Variants in FOXP1 observed in about 807,000 individuals in gnomAD.
The protein encoded by FOXP1 is forkhead box P1.
Under a neutral mutation model 98.2 loss-of-function variants are expected in FOXP1, and 15 were observed. That is an observed-to-expected ratio of 0.15 (90% confidence interval 0.10 to 0.24). The LOEUF (loss-of-function observed/expected upper bound fraction) is 0.24. FOXP1 is among the 10% of genes least tolerant of loss of function. FOXP1 has a pLI of 1.00. For synonymous variants in FOXP1, 371 were observed against 314.5 expected (o/e 1.18, Z -1.90); for missense variants, 633 against 848.5 (o/e 0.75, Z 3.15).
chr3:71,214,331 C>T (rs537972545), intron 5 of FOXP1, among the ~76,000 whole-genome samples: 3 of 152,292 alleles, frequency 2.0e-5, no homozygotes, highest in East Asian at 1.9e-4. Flanking sequence ...AACATGCCAA[C>T]GAGAAAGACA....
intron 7 of FOXP1, among the ~76,000 whole-genome samples, chr3:71,069,308 G>A (rs1048990722): frequency 2.0e-5 from 3 of 152,152 alleles, no homozygotes; most frequent in African/African-American, 4.8e-5. Flanking sequence ...TAAGTATGAT[G>A]AGCTATGGAA....
chr3:71,029,833 T>C (rs940824001), intron 11 of FOXP1, among the ~76,000 whole-genome samples: 1 of 152,238 alleles, frequency 6.6e-6, no homozygotes, highest in Non-Finnish European at 1.5e-5. Context: ...AAGAACTACA[T>C]TGTGGTCATC....
chr3:71,123,005 C>A (rs1239123566), intron 6 of FOXP1, among the ~76,000 whole-genome samples: 1 of 152,128 alleles, frequency 6.6e-6, no homozygotes, highest in Admixed American at 6.5e-5. Context: ...TTTAATCTCC[C>A]TTCTTTTCCC....
At chr3:71,530,970 T>C (rs2043798240) in intron 2 of FOXP1, among the ~76,000 whole-genome samples, 1 of 152,224 alleles carries the variant, frequency 6.6e-6, no homozygotes, top group Non-Finnish European at 1.5e-5. Flanking sequence ...ACCATGGAAA[T>C]GGAAGTAGAT....
At chr3:71,040,752 A>G (rs147410891) in intron 11 of FOXP1, among the ~76,000 whole-genome samples, 2 of 152,260 alleles carry the variant, frequency 1.3e-5, no homozygotes, top group South Asian at 2.1e-4. Context: ...ATGTGAGTAT[A>G]TACAACAGAT....
intron 6 of FOXP1, 39 bp from the exon 7 acceptor site, chr3:71,112,676 C>A: frequency 6.9e-7 from 1 of 1,455,336 alleles, no homozygotes; most frequent in South Asian, 1.1e-5. Flanking sequence ...CGTTACTACA[C>A]AGGTTCAGGG....
chr3:71,351,661 G>T (rs907458669), intron 4 of FOXP1, among the ~76,000 whole-genome samples: 18 of 152,170 alleles, frequency 1.2e-4, no homozygotes, highest in African/African-American at 4.3e-4. Context: ...ATGTTTCCAA[G>T]AACTAAAAGA....
intron 3 of FOXP1, among the ~76,000 whole-genome samples, chr3:71,456,316 A>C (rs959055839): frequency 6.6e-6 from 1 of 152,152 alleles, no homozygotes; most frequent in Non-Finnish European, 1.5e-5. Context: ...CTATTTCTGA[A>C]ATGTAAATAA....
intron 6 of FOXP1, among the ~76,000 whole-genome samples, chr3:71,172,869 T>C (rs1174483574): frequency 6.6e-6 from 1 of 152,230 alleles, no homozygotes; most frequent in East Asian, 1.9e-4. Context: ...GAAGCGCCAA[T>C]TGTCTCAAAC....
At chr3:71,281,924 C>T (rs1324060883) in intron 5 of FOXP1, among the ~76,000 whole-genome samples, 3 of 145,180 alleles carry the variant, frequency 2.1e-5, no homozygotes, top group Non-Finnish European at 4.5e-5. Context: ...TGGCAAACCT[C>T]TGTCTCTACT....
intron 5 of FOXP1, among the ~76,000 whole-genome samples, chr3:71,281,624 T>G (rs1288823): frequency 0.46 from 70,344 of 152,116 alleles, 16,951 homozygotes; most frequent in African/African-American, 0.59. Context: ...CAGTCTCTAC[T>G]TGTAAGTTCT....
At chr3:71,125,130 G>A (rs1045925584) in intron 6 of FOXP1, among the ~76,000 whole-genome samples, 5 of 152,206 alleles carry the variant, frequency 3.3e-5, no homozygotes, top group Non-Finnish European at 5.9e-5. Flanking sequence ...ATGCAGGAAT[G>A]GCTGCCTAAG....
intron 2 of FOXP1, among the ~76,000 whole-genome samples, chr3:71,554,650 A>G (rs2045998332): frequency 6.6e-6 from 1 of 152,244 alleles, no homozygotes; most frequent in Admixed American, 6.5e-5. Flanking sequence ...AGTTCTGTAA[A>G]CAGTGCAATA....
At chr3:71,457,781 A>G (rs1176112613) in intron 3 of FOXP1, among the ~76,000 whole-genome samples, 2 of 152,134 alleles carry the variant, frequency 1.3e-5, no homozygotes, top group African/African-American at 2.4e-5. Flanking sequence ...TATGCCTGGG[A>G]AATAGGATTT....
chr3:71,406,635 G>C (rs370469533), intron 3 of FOXP1, among the ~76,000 whole-genome samples: 1 of 151,416 alleles, frequency 6.6e-6, no homozygotes, highest in African/African-American at 2.4e-5. Flanking sequence ...CTTCTCAAGG[G>C]GGCAGGTGAT....
chr3:71,046,988 T>G lies in FOXP1; in HGVS notation c.618A>C (p.Thr206=). Residue 206 remains threonine, a synonymous_variant, in exon 10 of 21, where the codon ACA becomes ACC. Transcript: ENST00000649528. ...LLSLQRQGLL[T]IQPGQPALPL... is the part of the protein sequence containing the mutation. Reference sequence around the variant, plus strand: ...GAAGGGCAGGCTGCCCGGGCTGAATTGTCAGAAGGCCTTGGCGCTGCAAAG... The same window carrying G: ...GAAGGGCAGGCTGCCCGGGCTGAATGGTCAGAAGGCCTTGGCGCTGCAAAG... 1 of 1,614,102 alleles carries G rather than the reference T, an allele frequency of 6.2e-7. No homozygotes were observed. Among genetic ancestry groups the G allele is most frequent in the Non-Finnish European group, 8.5e-7 (1 of 1,179,978 alleles).
At chr3:70,983,351 C>T (rs78339946) in intron 14 of FOXP1, among the ~76,000 whole-genome samples, 5 of 152,030 alleles carry the variant, frequency 3.3e-5, no homozygotes, top group Non-Finnish European at 5.9e-5. Context: ...CTAAGAATCC[C>T]TTTTTATGAC....
chr3:71,139,349 A>G (rs2059960983), intron 6 of FOXP1, among the ~76,000 whole-genome samples: 1 of 152,234 alleles, frequency 6.6e-6, no homozygotes, highest in Non-Finnish European at 1.5e-5. Flanking sequence ...GAGGCAAAAT[A>G]AATGAGAAGA....
At chr3:71,305,671 G>A (rs1389438246) in intron 4 of FOXP1, 1 of 152,002 alleles carries the variant, frequency 6.6e-6, no homozygotes, top group African/African-American at 2.4e-5. Context: ...ATTCCCCCTA[G>A]TCCTCACGAG....
Sources: gnomAD v4.1 joint callset for allele counts (sites outside exome capture counted in the v4.1 genomes callset) on GRCh38, gnomAD v4.1.1 for gene constraint, MANE v1.5 for transcripts, NCBI Gene and HGNC (gene_info 2026-07-23, HGNC 2026-07-21) for gene names.